Variants in PRKD1 observed in about 807,000 individuals in gnomAD.
PRKD1 encodes the protein protein kinase D1.
Under a neutral mutation model 95.9 loss-of-function variants are expected in PRKD1, and 63 were observed. The observed-to-expected ratio is 0.66, with a 90% CI of 0.54 to 0.81. PRKD1 has a LOEUF of 0.81. Ranked by LOEUF, PRKD1 falls within the 30% of genes least tolerant of loss-of-function variation. PRKD1 has a pLI of 0.00. For missense variants in PRKD1, 1,048 were observed against 1,165.3 expected (o/e 0.90, Z 1.47); for synonymous variants, 425 against 423.1 (o/e 1.00, Z -0.05).
chr14:29,701,925 T>C (rs1352323566), intron 2 of PRKD1, among the ~76,000 whole-genome samples: 1 of 152,158 alleles, frequency 6.6e-6, no homozygotes, highest in Non-Finnish European at 1.5e-5. Context: ...GAGCCCAAAA[T>C]TGGGATACCG....
intron 1 of PRKD1, among the ~76,000 whole-genome samples, chr14:29,745,684 C>T (rs1448502944): frequency 6.6e-6 from 1 of 151,900 alleles, no homozygotes; most frequent in African/African-American, 2.4e-5. Context: ...ACTATGTTGC[C>T]CAGGCTGGTC....
rs747255084 is a variant in PRKD1 at position 29,578,303 on chromosome 14, T to G, written c.2492A>C (p.Asp831Ala). The change falls in exon 17 of 18, where the codon GAT becomes GCT. Residue 831 changes from aspartate to alanine, a missense_variant. Transcript: ENST00000331968. ...QVKMRKRYSVDKTLSHPWLQD... is the reference protein window; with the variant it reads ...QVKMRKRYSVAKTLSHPWLQD... Reference sequence around the variant, plus strand: ...TAGCCAAGGGTGGCTCAAGGTCTTATCCACACTGTAGCGCTTTCTCATTTT... The same window carrying G: ...TAGCCAAGGGTGGCTCAAGGTCTTAGCCACACTGTAGCGCTTTCTCATTTT... 1.2e-6 allele frequency: 2 copies of G among 1,610,888 alleles called. No homozygotes were observed. Among genetic ancestry groups the G allele is most frequent in the East Asian group, 4.5e-5 (2 of 44,780 alleles).
intron 2 of PRKD1, among the ~76,000 whole-genome samples, chr14:29,686,208 T>C (rs1392891366): frequency 6.6e-6 from 1 of 152,176 alleles, no homozygotes; most frequent in Non-Finnish European, 1.5e-5. Context: ...CTTCCTTGTA[T>C]AAATGGAGAG....
intron 1 of PRKD1, among the ~76,000 whole-genome samples, chr14:29,846,936 A>G (rs1892101203): frequency 1.3e-5 from 2 of 152,176 alleles, no homozygotes; most frequent in African/African-American, 2.4e-5. Flanking sequence ...GGAAAACCCC[A>G]CAGCTCCCAA....
intron 16 of PRKD1, among the ~76,000 whole-genome samples, chr14:29,580,048 T>C (rs567035130): frequency 1.3e-3 from 193 of 152,312 alleles, no homozygotes; most frequent in African/African-American, 4.6e-3. Context: ...GGAGAGCTTA[T>C]GTGCTATTGC....
intron 1 of PRKD1, among the ~76,000 whole-genome samples, chr14:29,776,856 G>T (rs935990184): frequency 6.6e-6 from 1 of 152,160 alleles, no homozygotes; most frequent in Non-Finnish European, 1.5e-5. Flanking sequence ...ATTCACCAAA[G>T]TTGAAATGAA....
intron 1 of PRKD1, among the ~76,000 whole-genome samples, chr14:29,781,631 C>T (rs954372725): frequency 5.9e-5 from 9 of 152,212 alleles, no homozygotes; most frequent in African/African-American, 2.2e-4. Flanking sequence ...GAAGTCTCTC[C>T]TTCAAAAGGC....
At chr14:29,742,711 T>C (rs1173252709) in intron 1 of PRKD1, among the ~76,000 whole-genome samples, 3 of 152,250 alleles carry the variant, frequency 2.0e-5, no homozygotes, top group African/African-American at 7.2e-5. Flanking sequence ...ACTGTGACTA[T>C]GCATAAAATA....
chr14:29,827,994 T>G (rs1446785692), intron 1 of PRKD1, among the ~76,000 whole-genome samples: 2 of 152,110 alleles, frequency 1.3e-5, no homozygotes, highest in Non-Finnish European at 2.9e-5. Flanking sequence ...TCTCCTTTTA[T>G]TTTCATTCTA....
At chr14:29,789,362 C>A (rs1342298821) in intron 1 of PRKD1, among the ~76,000 whole-genome samples, 1 of 152,102 alleles carries the variant, frequency 6.6e-6, no homozygotes, top group African/African-American at 2.4e-5. Flanking sequence ...ATGTAACATT[C>A]ACTTCTTCCA....
intron 2 of PRKD1, among the ~76,000 whole-genome samples, chr14:29,723,458 G>A (rs1885994785): frequency 3.9e-5 from 6 of 151,992 alleles, no homozygotes; most frequent in Admixed American, 2.6e-4. Flanking sequence ...ATAGACTCAG[G>A]GCCTAAAAAG....
At chr14:29,897,190 A>G (rs1894164298) in intron 1 of PRKD1, among the ~76,000 whole-genome samples, 1 of 152,084 alleles carries the variant, frequency 6.6e-6, no homozygotes, top group Non-Finnish European at 1.5e-5. Context: ...TCTTTCATGT[A>G]AATAAAAATA....
At chr14:29,706,495 T>C (rs1885097331) in intron 2 of PRKD1, among the ~76,000 whole-genome samples, 2 of 152,260 alleles carry the variant, frequency 1.3e-5, no homozygotes, top group South Asian at 4.1e-4. Context: ...CTGATTATCA[T>C]CCATATCAAA....
At chr14:29,641,898 C>CTTTTT (rs751584936) in intron 4 of PRKD1, among the ~76,000 whole-genome samples, 66 of 116,664 alleles carry the variant, frequency 5.7e-4, no homozygotes, top group Middle Eastern at 5.1e-3. Flanking sequence ...AAAAATATTT[C>CTTTTT]TTTTTTTTTT....
Position 29,927,385 on chromosome 14 carries a change from G to A in PRKD1, c.128C>T (p.Ala43Val). 6.4e-7 allele frequency: 1 copy of A among 1,552,620 alleles called. No individual in the cohort carries two copies. Among genetic ancestry groups the A allele is most frequent in the Non-Finnish European group, 8.7e-7 (1 of 1,152,584 alleles). Residue 43 changes from alanine to valine, a missense_variant, in exon 1 of 18, where the codon GCG becomes GTG. Physicochemically the swap from Ala to Val is moderately conservative, Grantham distance 64. This residue lies in a region of PRKD1 where 275 missense variants were observed against 248.6 expected (regional missense o/e 1.11). Coordinates refer to ENST00000331968, the MANE Select transcript of PRKD1 (RefSeq NM_002742.3). ...GAACGAGATGCCCCCGACCGGGGCC[G>A]CGACAGGAGCCAAGAACGGCGCGGG... is the stretch of plus-strand genomic sequence containing the variant. Reference protein sequence around the residue: ...PGPAPFLAPVAAPVGGISFHL... With the variant: ...PGPAPFLAPVVAPVGGISFHL...
intron 1 of PRKD1, among the ~76,000 whole-genome samples, chr14:29,870,063 T>TG (rs1471388244): frequency 1.1e-4 from 17 of 152,210 alleles, no homozygotes; most frequent in African/African-American, 2.4e-4. Flanking sequence ...ATTACCGAGG[T>TG]GGGGCAAATA....
At chr14:29,620,789 G>C (rs372074849) in intron 13 of PRKD1, among the ~76,000 whole-genome samples, 2 of 152,112 alleles carry the variant, frequency 1.3e-5, no homozygotes, top group East Asian at 1.9e-4. Context: ...GGATCTAGAA[G>C]TAGAAATACC....
At chr14:29,909,358 G>A (rs892983197) in intron 1 of PRKD1, among the ~76,000 whole-genome samples, 12 of 147,564 alleles carry the variant, frequency 8.1e-5, no homozygotes, top group East Asian at 2.1e-4. Flanking sequence ...GCTCCATGGC[G>A]CCCAGTCCCA....
chr14:29,751,003 G>C (rs1887457110), intron 1 of PRKD1, among the ~76,000 whole-genome samples: 1 of 152,086 alleles, frequency 6.6e-6, no homozygotes, highest in Admixed American at 6.6e-5. Flanking sequence ...TTTTTGTGGA[G>C]AGAATTACTC....
Sources: allele counts gnomAD v4.1 joint callset (sites outside exome capture counted in the v4.1 genomes callset), GRCh38; gene constraint gnomAD v4.1.1; regional missense constraint gnomAD v4.1.1; transcripts MANE v1.5; gene names NCBI Gene and HGNC (gene_info 2026-07-23, HGNC 2026-07-21).